CFAP46: variants seen among roughly 807,000 people sequenced by gnomAD.
The protein encoded by CFAP46 is cilia and flagella associated protein 46.
In CFAP46, 245 loss-of-function variants were observed where a neutral mutation model predicts 325.7. The ratio of observed to expected loss-of-function variants is 0.75; its 90% confidence interval spans 0.68 to 0.84. The LOEUF (loss-of-function observed/expected upper bound fraction) is 0.84, where lower values mean the gene tolerates loss of function less well. CFAP46 is among the 40% of genes least tolerant of loss of function. The probability of loss-of-function intolerance (pLI) is 0.00; values close to 1 mark genes in which losing one functional copy is unlikely to be tolerated. For missense variants in CFAP46, 3,346 were observed against 3,543.0 expected (o/e 0.94, Z 1.41); for synonymous variants, 1,523 against 1,495.9 (o/e 1.02, Z -0.42).
rs1848431121 is a variant in CFAP46, at chr10:132,846,111, C to T, written c.6384G>A (p.Arg2128=). ...QLQHQLRCQD[R]TTTSLGARVE... Reference sequence around the variant, plus strand: ...CACGGGCGCCCAGGCTGGTGGTGGTCCTGTCTTGGCACCGGAGCTGGTGCT... The same window carrying T: ...CACGGGCGCCCAGGCTGGTGGTGGTTCTGTCTTGGCACCGGAGCTGGTGCT... The change falls in exon 44 of 58, where the codon AGG becomes AGA. Residue 2128 remains arginine (R), a synonymous_variant. Coordinates refer to ENST00000368586, the MANE Select transcript of CFAP46 (RefSeq NM_001200049.3). 3 of 1,608,012 alleles carry T rather than the reference C, an allele frequency of 1.9e-6. No individual in the cohort carries two copies. The highest frequency in any genetic ancestry group is 1.7e-5 in the Admixed American group (1 of 59,878).
At chr10:132,915,828 C>T (rs570917996) in intron 17 of CFAP46, among the ~76,000 whole-genome samples, 1 of 152,206 alleles carries the variant, frequency 6.6e-6, no homozygotes, top group East Asian at 1.9e-4. Context: ...GCACGTCCAG[C>T]GTGACGGATT....
At chr10:132,895,951 C>T (rs56335918) in intron 24 of CFAP46, among the ~76,000 whole-genome samples, 6,921 of 51,448 alleles carry the variant, frequency 0.13, 769 homozygotes, top group Non-Finnish European at 0.16. Flanking sequence ...CCATGAGACA[C>T]GGCGAGAAGG....
rs549368540 is a variant in CFAP46, at chr10:132,865,891, G to C, written c.4890+134C>G. ...AGGACTGACTTCCCGCAGAGAGCTG[G>C]ACCCAGACAAGAGAGGCACGTGGCC... is the stretch of plus-strand genomic sequence containing the variant. On this transcript the variant is annotated intron_variant, in intron 35 of 57. Transcript: ENST00000368586. 1.2e-5 allele frequency: 10 copies of C among 850,888 alleles called. No homozygotes were observed. In the East Asian group the frequency reaches 3.3e-4, roughly 28 times the overall value. 52.7% of individuals were successfully genotyped at this position (850,888 alleles called of 1,614,324 possible).
intron 24 of CFAP46, among the ~76,000 whole-genome samples, chr10:132,895,678 T>C (rs999851865): frequency 1.3e-5 from 2 of 152,192 alleles, no homozygotes; most frequent in Admixed American, 1.3e-4. Flanking sequence ...TCACCAGGAA[T>C]GAAAACTCCA....
intron 19 of CFAP46, 43 bp from the exon 20 acceptor site, chr10:132,910,111 C>G: frequency 7.3e-7 from 1 of 1,366,324 alleles, no homozygotes. Context: ...GAATTCTAAA[C>G]AGGGGACCTT....
At chr10:132,883,356 C>T (rs1339061592) in intron 27 of CFAP46, among the ~76,000 whole-genome samples, 3 of 152,204 alleles carry the variant, frequency 2.0e-5, no homozygotes, top group Non-Finnish European at 2.9e-5. Flanking sequence ...TACAAATGGC[C>T]CATAAGCACA....
rs1848970681 is a variant in CFAP46, at chr10:132,877,324, G to A, written c.4213-363C>T. ...GTGAGCGTCCCATGAACTCAGCAGT[G>A]CTCGTGCCGGGGTCCAGGTGTGAGC... On this transcript the variant is annotated intron_variant, in intron 30 of 57. Coordinates refer to ENST00000368586, the MANE Select transcript of CFAP46 (RefSeq NM_001200049.3). This position sits in a 1 kb window ranked among gnomAD's most constrained non-coding sequence, Gnocchi z 5.7. Among the ~76,000 whole-genome samples the A allele has an allele frequency of 6.6e-6, 1 of 152,208 alleles. No homozygotes were observed. The highest frequency in any genetic ancestry group is 1.5e-5 in the Non-Finnish European group (1 of 68,024).
At chr10:132,834,228 C>T (rs1378342224) in intron 48 of CFAP46, 105 bp from the exon 49 acceptor site, 33 of 1,005,348 alleles carry the variant, frequency 3.3e-5, no homozygotes, top group South Asian at 3.1e-4. Flanking sequence ...AGCAGCACCA[C>T]GAATCCCCAC....
Position 132,814,724 on chromosome 10 carries a change from G to A in CFAP46, c.7211C>T (p.Pro2404Leu), listed in dbSNP as rs765574684. The change falls in exon 52 of 58, where the codon CCC (proline) becomes CTC (leucine). Residue 2404 changes from proline to leucine, a missense_variant. By Grantham distance (98) the Pro-to-Leu change is moderately conservative (BLOSUM62 -3). Coordinates refer to ENST00000368586, the MANE Select transcript of CFAP46 (RefSeq NM_001200049.3). ...GRKGSIPRTI[P>L]PDCIIVDSDN... is the part of the protein sequence containing the mutation. ...TGAGTCGACTATGATGCAGTCAGGG[G>A]GGATGGTCCGGGGGATGCTGCCCTG... is the stretch of plus-strand genomic sequence containing the variant. 13 of 1,613,196 alleles carry A rather than the reference G, an allele frequency of 8.1e-6. No homozygotes were observed. The highest frequency in any genetic ancestry group is 1.1e-5 in the Non-Finnish European group (13 of 1,179,686).
chr10:132,908,857 C>T (rs940382652), intron 21 of CFAP46, among the ~76,000 whole-genome samples: 3 of 152,354 alleles, frequency 2.0e-5, no homozygotes, highest in Non-Finnish European at 2.9e-5. Flanking sequence ...ACGGGACTGG[C>T]GTGTGCAGCC....
At position 132,878,015 on chromosome 10, in the gene CFAP46, A is replaced by G; in HGVS notation, c.4078T>C (p.Leu1360=). 2.6e-6 allele frequency: 4 copies of G among 1,543,736 alleles called. No homozygotes were observed. Among genetic ancestry groups the G allele is most frequent in the Non-Finnish European group, 3.5e-6 (4 of 1,143,604 alleles). The change falls in exon 30 of 58, where the codon TTG becomes CTG. Residue 1360 remains leucine, a synonymous_variant. Coordinates refer to ENST00000368586, the MANE Select transcript of CFAP46 (RefSeq NM_001200049.3). ...PLAATSSHLL[L]PKKEKENERS... ...TCATTCTCCTTCTCTTTTTTAGGCA[A>G]TAACAGATGTGAGCTGGTTGCTGCC...
chr10:132,941,460 G>A, intron 3 of CFAP46, 131 bp downstream of exon 3: 1 of 1,247,448 alleles, frequency 8.0e-7, no homozygotes, highest in South Asian at 1.5e-5. Context: ...CAAGTTTCGT[G>A]TCACTCTGGA....
intron 50 of CFAP46, among the ~76,000 whole-genome samples, chr10:132,816,195 C>A (rs532304217): frequency 6.6e-6 from 1 of 151,632 alleles, no homozygotes; most frequent in Admixed American, 6.6e-5. Context: ...GCTGGTGCGT[C>A]GTTAGCGCTG....
rs1185397153 is a variant in CFAP46, at chr10:132,808,402, T to C, written c.*19A>G. 10 of 1,587,988 alleles carry C rather than the reference T, an allele frequency of 6.3e-6. No homozygotes were observed. Among genetic ancestry groups the C allele is most frequent in the Non-Finnish European group, 8.6e-6 (10 of 1,161,802 alleles). ...ACCACTCACAGAGACTGGCTTTTGTTGTTTGTTTAGTGGAACACTCAAATC... is the reference window on the plus strand; with the variant it reads ...ACCACTCACAGAGACTGGCTTTTGTCGTTTGTTTAGTGGAACACTCAAATC... On this transcript the variant is annotated 3_prime_UTR_variant, in exon 58 of 58. Coordinates refer to ENST00000368586, the MANE Select transcript of CFAP46 (RefSeq NM_001200049.3). The surrounding 1 kb of genome is among the most constrained non-coding windows in gnomAD (Gnocchi z 6.8).
rs899856628 is a variant in CFAP46 at position 132,877,408 on chromosome 10, G to A, written c.4213-447C>T. ...TTCTCAGACCTGCCCAGCACTTTGA[G>A]AAGTGGATACTTGCAGAGAGAAAGG... On this transcript the variant is annotated intron_variant, in intron 30 of 57. Coordinates refer to ENST00000368586, the MANE Select transcript of CFAP46 (RefSeq NM_001200049.3). This position sits in a 1 kb window ranked among gnomAD's most constrained non-coding sequence, Gnocchi z 5.7. Among the ~76,000 whole-genome samples, 2 of 152,200 alleles carry A rather than the reference G, an allele frequency of 1.3e-5. No individual in the cohort carries two copies. The highest frequency in any genetic ancestry group is 4.1e-4 in the South Asian group (2 of 4,828).
chr10:132,859,231 C>T lies in CFAP46; in HGVS notation c.5215G>A (p.Val1739Ile). ...DLEARCLSLR[V>I]RVAQHSAVTE... is the part of the protein sequence containing the mutation. ...ACCGCTGAGTGCTGCGCAACTCTGA[C>T]CCGCAGGCTCAGGCACCTGACGGAG... The change falls in exon 38 of 58, where the codon GTC (valine) becomes ATC (isoleucine). Residue 1739 changes from valine (V) to isoleucine (I), a missense_variant. Coordinates refer to ENST00000368586, the MANE Select transcript of CFAP46 (RefSeq NM_001200049.3). 1 of 1,549,034 alleles carries T rather than the reference C, an allele frequency of 6.5e-7. No homozygotes were observed. Among genetic ancestry groups the T allele is most frequent in the Non-Finnish European group, 8.7e-7 (1 of 1,146,754 alleles).
At position 132,942,449 on chromosome 10, in the gene CFAP46, G is replaced by A. The variant is rs988339634; in HGVS notation, c.36C>T (p.Ala12=). ...GCCTGGGGTCACCTTGCTGGCTCTC[G>A]GCGCGGGCCAGCTCCTGCGTGATGA... ...DLVITQELAR[A]ESQQDAASLK... is the part of the protein sequence containing the mutation. Residue 12 remains alanine, a synonymous_variant, in exon 1 of 58, where the codon GCC becomes GCT. Coordinates refer to ENST00000368586, the MANE Select transcript of CFAP46 (RefSeq NM_001200049.3). 1.5e-6 allele frequency: 2 copies of A among 1,340,934 alleles called. No homozygotes were observed. The highest frequency in any genetic ancestry group is 1.9e-6 in the Non-Finnish European group (2 of 1,051,462). 83.1% of individuals were successfully genotyped at this position (1,340,934 alleles called of 1,614,324 possible).
intron 35 of CFAP46, among the ~76,000 whole-genome samples, chr10:132,863,705 C>A (rs555093290): frequency 6.7e-6 from 1 of 149,932 alleles, no homozygotes; most frequent in African/African-American, 2.5e-5. Flanking sequence ...CATCTGTCCC[C>A]CTGCCTGAGA....
At chr10:132,880,476 G>A (rs1048215428) in intron 28 of CFAP46, among the ~76,000 whole-genome samples, 3 of 152,236 alleles carry the variant, frequency 2.0e-5, no homozygotes, top group African/African-American at 7.2e-5. Context: ...GGTGCCCACA[G>A]GGTCTGAGGT....
Sources: allele counts gnomAD v4.1 joint callset (sites outside exome capture counted in the v4.1 genomes callset), GRCh38; gene constraint gnomAD v4.1.1; non-coding constraint Gnocchi (gnomAD v3.1); transcripts MANE v1.5; gene names NCBI Gene and HGNC (gene_info 2026-07-23, HGNC 2026-07-21).